FAP: variants seen among roughly 807,000 people sequenced by gnomAD.
The protein encoded by FAP is fibroblast activation protein alpha, also known as prolyl endopeptidase FAP.
A neutral mutation model predicts 126.5 loss-of-function variants in FAP; 110 were observed. That is an observed-to-expected ratio of 0.87 (90% CI 0.74 to 1.02). FAP has a LOEUF of 1.02. Among genes scored for constraint, FAP ranks in the 50% least tolerant of loss-of-function variants. FAP has a pLI of 0.00. For missense variants in FAP, 919 were observed against 909.2 expected, an observed-to-expected ratio of 1.01 and a Z score of -0.14; for synonymous variants, 334 against 297.3, an observed-to-expected ratio of 1.12 and a Z score of -1.27.
chr2:162,219,966 T>TTTTTC, intron 6 of FAP, 41 bp from the exon 7 acceptor site: 1 of 1,358,016 alleles, frequency 7.4e-7, no homozygotes, highest in Non-Finnish European at 1.0e-6. Context: ...AACCTTGCTG[T>TTTTTC]TTAATGCAAA....
At chr2:162,188,880 A>G (rs1274820174) in intron 19 of FAP, among the ~76,000 whole-genome samples, 3 of 152,108 alleles carry the variant, frequency 2.0e-5, no homozygotes, top group Admixed American at 2.0e-4. Flanking sequence ...TACAAAGGAA[A>G]TTTAACACAG....
intron 5 of FAP, 123 bp from the exon 6 acceptor site, chr2:162,223,783 A>G (rs1316833491): frequency 9.2e-6 from 6 of 652,062 alleles, no homozygotes; most frequent in Non-Finnish European, 1.4e-5. Flanking sequence ...TTCACAAGGC[A>G]CTAGGAAGAA....
intron 21 of FAP, among the ~76,000 whole-genome samples, chr2:162,178,660 A>G (rs1687574064): frequency 6.6e-6 from 1 of 152,212 alleles, no homozygotes; most frequent in Non-Finnish European, 1.5e-5. Flanking sequence ...AGAAAATGAA[A>G]GGGGAAGATA....
intron 17 of FAP, among the ~76,000 whole-genome samples, chr2:162,193,217 A>T (rs778363868): frequency 7.2e-5 from 11 of 152,228 alleles, no homozygotes; most frequent in Admixed American, 2.0e-4. Flanking sequence ...TATTAAAAAT[A>T]CAAATTTCCA....
intron 2 of FAP, among the ~76,000 whole-genome samples, chr2:162,238,617 A>G (rs1257421433): frequency 1.3e-5 from 2 of 152,114 alleles, no homozygotes; most frequent in Non-Finnish European, 2.9e-5. Context: ...AGACTTTCCC[A>G]TATTTTCTCC....
chr2:162,240,884 G>A (rs938598110), intron 2 of FAP, among the ~76,000 whole-genome samples: 6 of 152,170 alleles, frequency 3.9e-5, no homozygotes, highest in Non-Finnish European at 8.8e-5. Flanking sequence ...AGTGAGGACT[G>A]GACCTGGCAC....
intron 11 of FAP, among the ~76,000 whole-genome samples, chr2:162,212,148 T>TA: frequency 6.6e-6 from 1 of 152,354 alleles, no homozygotes; most frequent in East Asian, 1.9e-4. Context: ...TCTTAAATGT[T>TA]CTGTCAGTTT....
At chr2:162,224,372 A>G (rs1483340816) in intron 5 of FAP, 94 bp downstream of exon 5, 1 of 721,850 alleles carries the variant, frequency 1.4e-6, no homozygotes, top group African/African-American at 1.8e-5. Context: ...ATTTAGAGAT[A>G]AAGACAGACT....
chr2:162,204,515 T>C (rs550692326), intron 12 of FAP, among the ~76,000 whole-genome samples: 1 of 152,026 alleles, frequency 6.6e-6, no homozygotes, highest in African/African-American at 2.4e-5. Context: ...AAAGAGACAC[T>C]GAGAGATACA....
intron 8 of FAP, among the ~76,000 whole-genome samples, chr2:162,218,444 T>C (rs1352059414): frequency 6.6e-6 from 1 of 152,094 alleles, no homozygotes; most frequent in Non-Finnish European, 1.5e-5. Flanking sequence ...TTTCAGGTTT[T>C]TTAGTCACCT....
intron 2 of FAP, among the ~76,000 whole-genome samples, chr2:162,237,454 G>A (rs1021917182): frequency 1.3e-5 from 2 of 151,886 alleles, no homozygotes; most frequent in African/African-American, 4.8e-5. Flanking sequence ...CCACTTATAA[G>A]TGAGAACATG....
intron 10 of FAP, among the ~76,000 whole-genome samples, chr2:162,215,237 C>T (rs952965396): frequency 6.6e-6 from 1 of 152,148 alleles, no homozygotes; most frequent in Admixed American, 6.5e-5. Context: ...GGGGAAGACC[C>T]AAGATTGGCC....
intron 9 of FAP, among the ~76,000 whole-genome samples, chr2:162,217,662 C>G (rs1306026864): frequency 6.6e-6 from 1 of 152,092 alleles, no homozygotes; most frequent in Admixed American, 6.5e-5. Context: ...GAGAGAATTG[C>G]AAAACAGAAC....
At chr2:162,194,645 T>C (rs1688176419) in intron 17 of FAP, 56 bp downstream of exon 17, 1 of 1,506,638 alleles carries the variant, frequency 6.6e-7, no homozygotes, top group Admixed American at 1.7e-5. Context: ...TAGCGGAGCA[T>C]CACAGAGAGT....
Position 162,226,522 on chromosome 2 carries a change from C to G in FAP, c.190+1G>C, listed in dbSNP as rs534489649. 3 of 1,510,396 alleles carry G rather than the reference C, an allele frequency of 2.0e-6. No individual in the cohort carries two copies. Among genetic ancestry groups the G allele is most frequent in the Admixed American group, 3.5e-5 (2 of 56,342 alleles). The allele number at this position is 1,510,396 out of a possible 1,614,324, so 93.6% of individuals were successfully genotyped here. On this transcript the variant is annotated splice_donor_variant, in intron 3 of 25. Transcript: ENST00000188790. LOFTEE classifies it high-confidence loss of function. ...CCCCTAAAGATAAATAATGCACTTA[C>G]CTGAAATCCAGTTTGGAAAAAATGT...
rs191515777 is a variant in FAP, at chr2:162,243,079, T to G, written c.7-87A>C. On this transcript the variant is annotated intron_variant, in intron 1 of 25. Transcript: ENST00000188790. ...GATTTTGTTTACACCTAAATCCTTT[T>G]TCTCTCGCCCCACAAAGCTTTTGAT... 1.3e-3 allele frequency: 1,425 copies of G among 1,070,412 alleles called. 12 individuals are homozygous for G. In the African/African-American group the frequency reaches 0.019, roughly 14 times the overall value. The allele number at this position is 1,070,412 out of a possible 1,614,324, so 66.3% of individuals were successfully genotyped here.
At chr2:162,188,125 C>A (rs776936124) in intron 20 of FAP, 44 bp downstream of exon 20, 1 of 1,490,182 alleles carries the variant, frequency 6.7e-7, no homozygotes, top group South Asian at 1.2e-5. Context: ...GATTGCATGA[C>A]TTTTGTTGCA....
intron 9 of FAP, among the ~76,000 whole-genome samples, chr2:162,217,744 C>G (rs1175367011): frequency 2.0e-5 from 3 of 152,074 alleles, no homozygotes; most frequent in Non-Finnish European, 4.4e-5. Flanking sequence ...CCTCCATGAT[C>G]AAGACCATAT....
chr2:162,242,114 CA>C (rs1271086473), intron 2 of FAP, among the ~76,000 whole-genome samples: 1 of 152,108 alleles, frequency 6.6e-6, no homozygotes, highest in Non-Finnish European at 1.5e-5. Context: ...GACACAAAGA[CA>C]TAAGACCTGT....
Sources: allele counts gnomAD v4.1 joint callset (sites outside exome capture counted in the v4.1 genomes callset), GRCh38; gene constraint gnomAD v4.1.1; transcripts MANE v1.5; gene names NCBI Gene and HGNC (gene_info 2026-07-23, HGNC 2026-07-21).